SGIP1: variants seen among roughly 807,000 people sequenced by gnomAD.
SGIP1 encodes SH3-containing GRB2-like protein 3-interacting protein 1.
In SGIP1, 38 loss-of-function variants were observed where a neutral mutation model predicts 107.5. The ratio of observed to expected loss-of-function variants is 0.35; its 90% CI spans 0.27 to 0.46. The LOEUF (loss-of-function observed/expected upper bound fraction) is 0.46. Among genes scored for constraint, SGIP1 ranks in the 20% least tolerant of loss-of-function variants. The pLI is 1.00. For missense variants in SGIP1, 929 were observed against 1,019.5 expected (o/e 0.91, Z 1.21); for synonymous variants, 365 against 366.1 (o/e 1.00, Z 0.03).
At chr1:66,571,192 A>C (rs1975523) in intron 1 of SGIP1, among the ~76,000 whole-genome samples, 23,443 of 152,012 alleles carry the variant, frequency 0.15, 2,362 homozygotes, top group East Asian at 0.45. Context: ...ATGAAACCAA[A>C]AAGGAAGCAA....
At chr1:66,680,241 T>A (rs931567424) in intron 14 of SGIP1, among the ~76,000 whole-genome samples, 1 of 152,240 alleles carries the variant, frequency 6.6e-6, no homozygotes, top group African/African-American at 2.4e-5. Flanking sequence ...GTATTTATTA[T>A]CTCATGGCAA....
rs1299555894 is a variant in SGIP1, at chr1:66,739,510, T to G, written c.2207T>G (p.Leu736Arg). Residue 736 changes from leucine to arginine, a missense_variant, in exon 22 of 25, where the codon CTC becomes CGC. Physicochemically the swap from Leu to Arg is moderately radical, Grantham distance 102. Transcript: ENST00000371037. ...CCCATCGACGGAGGAGTCACCAAGC[T>G]CCAGGCAGTGCTCCCACCAGCAGTC... is the stretch of plus-strand genomic sequence containing the variant. Reference protein sequence around the residue: ...LVPIDGGVTKLQAVLPPAVWN... With the variant: ...LVPIDGGVTKRQAVLPPAVWN... The G allele has an allele frequency of 1.9e-6, 3 of 1,613,918 alleles. No homozygotes were observed. Among genetic ancestry groups the G allele is most frequent in the Non-Finnish European group, 2.5e-6 (3 of 1,180,008 alleles).
At chr1:66,637,413 A>C (rs1215924449) in intron 4 of SGIP1, among the ~76,000 whole-genome samples, 2 of 150,254 alleles carry the variant, frequency 1.3e-5, no homozygotes, top group East Asian at 3.9e-4. Flanking sequence ...CACTGGCATA[A>C]CTGAGACCAA....
Position 66,682,253 on chromosome 1 carries a change from C to G in SGIP1, c.1199C>G (p.Pro400Arg), listed in dbSNP as rs141088608. 1.2e-6 allele frequency: 2 copies of G among 1,614,242 alleles called. No individual in the cohort carries two copies. The highest frequency in any genetic ancestry group is 2.2e-5 in the South Asian group (2 of 91,086). The stretch of plus-strand genomic sequence containing the variant: ...GATTACTTAGAAACAATCTCATCTC[C>G]TAAAGATTTTGGGTTGGGACAAAGA... ...KDDYLETISS[P>R]KDFGLGQRAT... Residue 400 changes from proline to arginine, a missense_variant, in exon 15 of 25, where the codon CCT becomes CGT. Pro to Arg is a moderately radical substitution (Grantham distance 103). Coordinates refer to ENST00000371037, the MANE Select transcript of SGIP1 (RefSeq NM_032291.4).
intron 17 of SGIP1, 98 bp downstream of exon 17, chr1:66,690,414 G>A (rs2089556907): frequency 1.3e-6 from 2 of 1,516,792 alleles, no homozygotes; most frequent in Non-Finnish European, 1.8e-6. Context: ...GGTTGAAATT[G>A]TTTTGCTGTG....
intron 1 of SGIP1, among the ~76,000 whole-genome samples, chr1:66,618,859 A>G (rs975374963): frequency 1.3e-5 from 2 of 152,184 alleles, no homozygotes; most frequent in African/African-American, 4.8e-5. Context: ...TAGACTCTCT[A>G]TCAATGTTGC....
chr1:66,667,681 C>A, intron 9 of SGIP1, 140 bp downstream of exon 9: 1 of 741,990 alleles, frequency 1.3e-6, no homozygotes, highest in Non-Finnish European at 2.4e-6. Flanking sequence ...TGATTGAAAG[C>A]CTCTGACCCT....
chr1:66,625,702 T>C (rs755178127), intron 1 of SGIP1, 145 bp from the exon 2 acceptor site: 177 of 599,920 alleles, frequency 3.0e-4, no homozygotes, highest in Non-Finnish European at 4.9e-4. Flanking sequence ...CATATGGACA[T>C]GCAGACACAC....
chr1:66,558,884 TC>T (rs2058551654), intron 1 of SGIP1, among the ~76,000 whole-genome samples: 1 of 151,854 alleles, frequency 6.6e-6, no homozygotes, highest in South Asian at 2.1e-4. Flanking sequence ...AATTCTAGAA[TC>T]CTACCATGCA....
At chr1:66,698,470 C>G (rs2091350617) in intron 18 of SGIP1, among the ~76,000 whole-genome samples, 2 of 151,668 alleles carry the variant, frequency 1.3e-5, no homozygotes, top group South Asian at 4.2e-4. Flanking sequence ...GCTCCGCCTC[C>G]CGAGTTCACC....
At chr1:66,608,662 A>G (rs1570530104) in intron 1 of SGIP1, among the ~76,000 whole-genome samples, 1 of 152,178 alleles carries the variant, frequency 6.6e-6, no homozygotes. Flanking sequence ...GCTCCCATTA[A>G]TACTTATGTT....
At chr1:66,719,889 A>G (rs1343446947) in intron 19 of SGIP1, among the ~76,000 whole-genome samples, 11 of 152,222 alleles carry the variant, frequency 7.2e-5, no homozygotes. Context: ...GTAGCAAGGG[A>G]ACAAATTTTC....
At chr1:66,537,484 C>T (rs911662541) in intron 1 of SGIP1, among the ~76,000 whole-genome samples, 1 of 152,082 alleles carries the variant, frequency 6.6e-6, no homozygotes, top group Non-Finnish European at 1.5e-5. Context: ...GGAACTAAGT[C>T]AGAGTTTCTT....
intron 18 of SGIP1, among the ~76,000 whole-genome samples, chr1:66,715,769 T>C (rs2093203790): frequency 1.3e-5 from 2 of 152,174 alleles, no homozygotes; most frequent in Admixed American, 1.3e-4. Flanking sequence ...CATATTCTTC[T>C]ACCAAGCAAG....
chr1:66,540,102 C>T (rs928256309), intron 1 of SGIP1, among the ~76,000 whole-genome samples: 7 of 151,378 alleles, frequency 4.6e-5, no homozygotes, highest in East Asian at 1.9e-4. Flanking sequence ...TTATGATGGA[C>T]GTAAGAAAAA....
At chr1:66,742,147 C>T (rs2094467171) in intron 24 of SGIP1, among the ~76,000 whole-genome samples, 1 of 152,162 alleles carries the variant, frequency 6.6e-6, no homozygotes, top group South Asian at 2.1e-4. Flanking sequence ...TCAGGTTTAG[C>T]TGAGATCTGG....
chr1:66,561,264 G>A (rs1423941774), intron 1 of SGIP1, among the ~76,000 whole-genome samples: 2 of 151,982 alleles, frequency 1.3e-5, no homozygotes, highest in Non-Finnish European at 2.9e-5. Context: ...GTTTGGTAGT[G>A]GCATTATTGA....
chr1:66,618,435 T>C (rs1253306334), intron 1 of SGIP1, among the ~76,000 whole-genome samples: 1 of 152,226 alleles, frequency 6.6e-6, no homozygotes, highest in Non-Finnish European at 1.5e-5. Flanking sequence ...ACTAAGCAGC[T>C]TTTTAAGAAA....
At chr1:66,586,667 A>G (rs1260200824) in intron 1 of SGIP1, among the ~76,000 whole-genome samples, 3 of 152,152 alleles carry the variant, frequency 2.0e-5, no homozygotes, top group Non-Finnish European at 2.9e-5. Flanking sequence ...TTAGCACCAC[A>G]TCAGAAAGTA....
Sources: gnomAD v4.1 joint callset for allele counts (sites outside exome capture counted in the v4.1 genomes callset) on GRCh38, gnomAD v4.1.1 for gene constraint, MANE v1.5 for transcripts, NCBI Gene and HGNC (gene_info 2026-07-23, HGNC 2026-07-21) for gene names.